Variants in MAN2A1 observed in about 807,000 individuals in gnomAD.
MAN2A1 encodes alpha-mannosidase 2.
Under a neutral mutation model 142.6 loss-of-function variants are expected in MAN2A1, and 76 were observed. That is an observed-to-expected ratio of 0.53 (90% CI 0.44 to 0.65). The LOEUF is 0.65. Ranked by LOEUF, MAN2A1 falls within the 30% of genes least tolerant of loss-of-function variation. The pLI is 0.00. For missense variants in MAN2A1, 1,311 were observed against 1,365.1 expected, an observed-to-expected ratio of 0.96 and a Z score of 0.62; for synonymous variants, 559 against 473.2, an observed-to-expected ratio of 1.18 and a Z score of -2.35.
At chr5:109,855,962 G>A (rs1165656121) in intron 20 of MAN2A1, among the ~76,000 whole-genome samples, 1 of 152,150 alleles carries the variant, frequency 6.6e-6, no homozygotes, top group East Asian at 1.9e-4. Flanking sequence ...GATTTAGCTG[G>A]AAATAGTAAG....
At chr5:109,701,002 G>T (rs1404552278) in intron 1 of MAN2A1, among the ~76,000 whole-genome samples, 1 of 152,228 alleles carries the variant, frequency 6.6e-6, no homozygotes, top group Non-Finnish European at 1.5e-5. Flanking sequence ...AGAAGTTAAA[G>T]AGGTTAGAAT....
intron 20 of MAN2A1, chr5:109,863,385 G>A (rs564645094): frequency 6.6e-6 from 1 of 152,268 alleles, no homozygotes; most frequent in African/African-American, 2.4e-5. Flanking sequence ...TTCATTTTAT[G>A]GAAAAGGAAA....
chr5:109,711,669 G>A (rs1751305136), intron 1 of MAN2A1, among the ~76,000 whole-genome samples: 1 of 152,308 alleles, frequency 6.6e-6, no homozygotes, highest in East Asian at 1.9e-4. Flanking sequence ...AACTAGTGTT[G>A]CACTCATCTC....
At chr5:109,832,897 G>A (rs1301662777) in intron 16 of MAN2A1, among the ~76,000 whole-genome samples, 1 of 148,174 alleles carries the variant, frequency 6.7e-6, no homozygotes, top group African/African-American at 2.6e-5. Context: ...GGGCGGAGGG[G>A]CTCCTCACTT....
In MAN2A1 at chr5:109,734,072, T is replaced by C. The variant is rs551277041; in HGVS notation, c.707+4559T>C. Reference sequence around the variant, plus strand: ...ATTGGTCTATTCAGAGATTCAACTTTTTCCTGGTTTAGTCTTGGGAGGGTG... The same window carrying C: ...ATTGGTCTATTCAGAGATTCAACTTCTTCCTGGTTTAGTCTTGGGAGGGTG... On this transcript the variant is annotated intron_variant, in intron 4 of 21. Coordinates refer to ENST00000261483, the MANE Select transcript of MAN2A1 (RefSeq NM_002372.4). Among the ~76,000 whole-genome samples the C allele has an allele frequency of 9.8e-4, 149 of 152,218 alleles. 1 individual carries two copies. Among genetic ancestry groups the C allele is most frequent in the East Asian group, 1.2e-3 (6 of 5,174 alleles).
chr5:109,781,180 A>G (rs1426213520), intron 8 of MAN2A1, among the ~76,000 whole-genome samples: 1 of 152,122 alleles, frequency 6.6e-6, no homozygotes, highest in African/African-American at 2.4e-5. Context: ...TGAAGTGTAT[A>G]AGTTTTCCCT....
chr5:109,741,840 A>T (rs2112607028), intron 4 of MAN2A1, among the ~76,000 whole-genome samples: 1 of 152,342 alleles, frequency 6.6e-6, no homozygotes, highest in Middle Eastern at 3.4e-3. Context: ...ATCTGAAATA[A>T]TTTAATCAAT....
At chr5:109,787,645 TTC>T (rs1753627924) in intron 10 of MAN2A1, among the ~76,000 whole-genome samples, 1 of 151,960 alleles carries the variant, frequency 6.6e-6, no homozygotes, top group Non-Finnish European at 1.5e-5. Flanking sequence ...GATCCTGGCT[TTC>T]ACTCAGTTTA....
intron 4 of MAN2A1, among the ~76,000 whole-genome samples, chr5:109,743,523 GC>G (rs139597032): frequency 0.018 from 2,804 of 152,246 alleles, 34 homozygotes; most frequent in Middle Eastern, 0.071. Flanking sequence ...TAGGACCCAA[GC>G]CAGGCAGTCT....
At chr5:109,750,893 A>C (rs2112620774) in intron 4 of MAN2A1, among the ~76,000 whole-genome samples, 1 of 152,086 alleles carries the variant, frequency 6.6e-6, no homozygotes, top group Non-Finnish European at 1.5e-5. Flanking sequence ...GGTATAGGTG[A>C]TATTTTGTTA....
chr5:109,840,602 C>G (rs1755176426), intron 16 of MAN2A1: 2 of 488,616 alleles, frequency 4.1e-6, no homozygotes, highest in South Asian at 3.0e-5. Flanking sequence ...CATCTTCTGC[C>G]TTTTCTGAGA....
intron 16 of MAN2A1, chr5:109,840,707 G>C (rs768223065): frequency 4.7e-6 from 2 of 421,770 alleles, no homozygotes; most frequent in Non-Finnish European, 9.1e-6. Context: ...CAGAAGGACC[G>C]ATCCAGTATG....
At chr5:109,738,521 A>C (rs1752174145) in intron 4 of MAN2A1, among the ~76,000 whole-genome samples, 1 of 152,146 alleles carries the variant, frequency 6.6e-6, no homozygotes, top group Non-Finnish European at 1.5e-5. Context: ...TGGTGGTTCT[A>C]AAGGCTGGGA....
chr5:109,713,733 C>G lies in MAN2A1; in HGVS notation c.349C>G (p.Leu117Val). The change falls in exon 2 of 22, where the codon CTG becomes GTG. Residue 117 changes from leucine to valine, a missense_variant. Leu to Val is a conservative substitution (Grantham distance 32, BLOSUM62 1). Around this residue, in one of 3 missense-constraint regions of MAN2A1, gnomAD observed 409 missense variants for 412.7 expected, o/e 0.99. Transcript: ENST00000261483. ...CCTCTCAGTTGACACTGCAGACTGT[C>G]TGTTTGCTTCACAAAGTGGAAGTCA... is the stretch of plus-strand genomic sequence containing the variant. ...LSLSVDTADC[L>V]FASQSGSHNS... 1 of 1,614,008 alleles carries G rather than the reference C, an allele frequency of 6.2e-7. No homozygotes were observed. Among genetic ancestry groups the G allele is most frequent in the Non-Finnish European group, 8.5e-7 (1 of 1,179,946 alleles).
intron 1 of MAN2A1, among the ~76,000 whole-genome samples, chr5:109,703,668 A>G (rs1751050248): frequency 1.3e-5 from 2 of 152,238 alleles, no homozygotes; most frequent in Admixed American, 1.3e-4. Flanking sequence ...TTAAAGAAAG[A>G]GTTCTGTTAG....
chr5:109,837,801 A>C (rs1161376063), intron 16 of MAN2A1, among the ~76,000 whole-genome samples: 1 of 152,214 alleles, frequency 6.6e-6, no homozygotes, highest in Non-Finnish European at 1.5e-5. Context: ...TCTAACATGC[A>C]TGTAACATAT....
chr5:109,839,681 C>T (rs988824123), intron 16 of MAN2A1, among the ~76,000 whole-genome samples: 29 of 148,398 alleles, frequency 2.0e-4, no homozygotes, highest in Non-Finnish European at 3.1e-4. Context: ...AATAACATTC[C>T]GCATTTCCTC....
At chr5:109,797,023 AC>A (rs1332536076) in intron 12 of MAN2A1, among the ~76,000 whole-genome samples, 1 of 152,168 alleles carries the variant, frequency 6.6e-6, no homozygotes, top group Non-Finnish European at 1.5e-5. Context: ...AAATAAACTA[AC>A]TACGTTAGAG....
intron 8 of MAN2A1, among the ~76,000 whole-genome samples, chr5:109,777,378 C>G (rs1753322822): frequency 6.6e-6 from 1 of 151,726 alleles, no homozygotes; most frequent in South Asian, 2.1e-4. Context: ...TTGTGAAGTA[C>G]CTATTTAAGT....
Sources: allele counts gnomAD v4.1 joint callset (sites outside exome capture counted in the v4.1 genomes callset), GRCh38; gene constraint gnomAD v4.1.1; regional missense constraint gnomAD v4.1.1; transcripts MANE v1.5; gene names NCBI Gene and HGNC (gene_info 2026-07-23, HGNC 2026-07-21).